The following AKAP6 variants were observed in gnomAD, a reference collection of about 807,000 sequenced individuals.
The protein encoded by AKAP6 is A-kinase anchor protein 6.
In AKAP6, 58 loss-of-function variants were observed where a neutral mutation model predicts 188.5. That is an observed-to-expected ratio of 0.31 (90% CI 0.25 to 0.38). AKAP6 has a LOEUF of 0.38. Among genes scored for constraint, AKAP6 ranks in the 10% least tolerant of loss-of-function variants. The probability of loss-of-function intolerance (pLI) is 1.00; values close to 1 mark genes in which losing one functional copy is unlikely to be tolerated. For synonymous variants in AKAP6, 989 were observed against 998.6 expected (o/e 0.99, Z 0.18); for missense variants, 2,710 against 2,740.0 (o/e 0.99, Z 0.24).
intron 7 of AKAP6, among the ~76,000 whole-genome samples, chr14:32,639,505 A>G (rs1887664963): frequency 6.6e-6 from 1 of 152,174 alleles, no homozygotes; most frequent in Non-Finnish European, 1.5e-5. Flanking sequence ...TCAAGGGTTC[A>G]TTGAGTATCT....
chr14:32,661,163 G>T (rs142260649), intron 7 of AKAP6, among the ~76,000 whole-genome samples: 12 of 152,130 alleles, frequency 7.9e-5, no homozygotes, highest in Admixed American at 7.9e-4. Context: ...AAGTCAAAAT[G>T]CAGAGAAGCC....
At chr14:32,563,656 C>T (rs948984263) in intron 4 of AKAP6, among the ~76,000 whole-genome samples, 4 of 152,144 alleles carry the variant, frequency 2.6e-5, no homozygotes, top group Admixed American at 1.3e-4. Context: ...GGGTGCTCTT[C>T]GCCCTTCGTG....
chr14:32,659,936 G>A (rs749461573), intron 7 of AKAP6, among the ~76,000 whole-genome samples: 4 of 151,938 alleles, frequency 2.6e-5, no homozygotes, highest in Admixed American at 6.6e-5. Context: ...AGGTGTAACC[G>A]ACAAGGTGAC....
chr14:32,350,369 A>G (rs1239666676), intron 1 of AKAP6, among the ~76,000 whole-genome samples: 1 of 152,208 alleles, frequency 6.6e-6, no homozygotes, highest in African/African-American at 2.4e-5. Context: ...GAAAATTATC[A>G]GATAAACCGA....
intron 2 of AKAP6, among the ~76,000 whole-genome samples, chr14:32,508,098 C>T (rs1250348618): frequency 6.6e-6 from 1 of 152,134 alleles, no homozygotes; most frequent in East Asian, 1.9e-4. Flanking sequence ...AGGTGGCTTC[C>T]TGTTTTAAAG....
intron 1 of AKAP6, among the ~76,000 whole-genome samples, chr14:32,417,252 C>T (rs1889688061): frequency 6.6e-6 from 1 of 152,090 alleles, no homozygotes; most frequent in South Asian, 2.1e-4. Flanking sequence ...GTAACCTTGC[C>T]TGAACACAGA....
At chr14:32,466,420 T>C (rs1453916796) in intron 2 of AKAP6, among the ~76,000 whole-genome samples, 1 of 152,142 alleles carries the variant, frequency 6.6e-6, no homozygotes, top group East Asian at 1.9e-4. Context: ...GTTCATGTCC[T>C]TTGCAGGGAC....
In AKAP6 at chr14:32,832,147, G is replaced by A. The variant is rs1053378314; in HGVS notation, c.*2342G>A. The A allele has an allele frequency of 2.6e-5, 4 of 152,044 alleles. No homozygotes were observed. The highest frequency in any genetic ancestry group is 2.6e-4 in the Admixed American group (4 of 15,238). The allele number at this position is 152,044 out of a possible 1,614,324, so 9.4% of individuals were successfully genotyped here. On this transcript the variant is annotated 3_prime_UTR_variant, in exon 14 of 14. Transcript: ENST00000280979. ...GTTCAAGAGGATTATGGGGGAAAGA[G>A]ATTAGAGATAATTGTCTAGTTAGGG...
At chr14:32,455,338 C>T (rs192545914) in intron 2 of AKAP6, among the ~76,000 whole-genome samples, 1 of 152,138 alleles carries the variant, frequency 6.6e-6, no homozygotes, top group Non-Finnish European at 1.5e-5. Flanking sequence ...AAGAGTTTTG[C>T]TTTTTAAATT....
chr14:32,810,478 G>A (rs1260438698), intron 12 of AKAP6, among the ~76,000 whole-genome samples: 1 of 152,094 alleles, frequency 6.6e-6, no homozygotes, highest in Non-Finnish European at 1.5e-5. Flanking sequence ...GATCCTAAGT[G>A]TGTTTCCCTT....
At chr14:32,769,861 T>C (rs2032843832) in intron 11 of AKAP6, among the ~76,000 whole-genome samples, 1 of 152,210 alleles carries the variant, frequency 6.6e-6, no homozygotes, top group African/African-American at 2.4e-5. Flanking sequence ...ATTTATATCC[T>C]TTTATAAACT....
At chr14:32,766,717 T>C (rs889876003) in intron 11 of AKAP6, among the ~76,000 whole-genome samples, 26 of 152,166 alleles carry the variant, frequency 1.7e-4, no homozygotes, top group African/African-American at 6.0e-4. Context: ...TCCCATTCTG[T>C]GGTTTTTCTT....
intron 2 of AKAP6, among the ~76,000 whole-genome samples, chr14:32,482,735 T>C (rs1308263046): frequency 6.6e-6 from 1 of 152,210 alleles, no homozygotes; most frequent in African/African-American, 2.4e-5. Context: ...TATTACAGAC[T>C]TTTAATATAA....
chr14:32,634,505 A>G (rs1260545144), intron 7 of AKAP6, among the ~76,000 whole-genome samples: 3 of 152,018 alleles, frequency 2.0e-5, no homozygotes, highest in African/African-American at 7.2e-5. Context: ...GAATTAGGCT[A>G]TCCCTGGTTC....
At chr14:32,445,399 G>T (rs1194382229) in intron 2 of AKAP6, among the ~76,000 whole-genome samples, 4 of 151,996 alleles carry the variant, frequency 2.6e-5, no homozygotes, top group Non-Finnish European at 5.9e-5. Flanking sequence ...TTGAGATGGA[G>T]TCTCACTCTG....
chr14:32,734,850 AT>A (rs2031340272), intron 10 of AKAP6, among the ~76,000 whole-genome samples: 1 of 152,114 alleles, frequency 6.6e-6, no homozygotes, highest in Non-Finnish European at 1.5e-5. Context: ...TTTAAAGCTT[AT>A]TTTTGTAGGT....
intron 1 of AKAP6, among the ~76,000 whole-genome samples, chr14:32,374,826 A>C (rs1030868041): frequency 6.6e-6 from 1 of 152,178 alleles, no homozygotes; most frequent in African/African-American, 2.4e-5. Flanking sequence ...ATACATTTCA[A>C]AACAGATTGT....
chr14:32,578,534 A>T (rs955809249), intron 5 of AKAP6, among the ~76,000 whole-genome samples: 1 of 152,128 alleles, frequency 6.6e-6, no homozygotes, highest in Non-Finnish European at 1.5e-5. Context: ...AGGGCATTTC[A>T]TAATAGCAAG....
intron 7 of AKAP6, among the ~76,000 whole-genome samples, chr14:32,640,760 T>C (rs760972205): frequency 6.6e-6 from 1 of 152,176 alleles, no homozygotes; most frequent in Non-Finnish European, 1.5e-5. Context: ...CTAAATCTTA[T>C]GAATGCTAAG....
Sources: gnomAD v4.1 joint callset for allele counts (sites outside exome capture counted in the v4.1 genomes callset) on GRCh38, gnomAD v4.1.1 for gene constraint, MANE v1.5 for transcripts, NCBI Gene and HGNC (gene_info 2026-07-23, HGNC 2026-07-21) for gene names.